Variants in TNIP3 observed in about 807,000 individuals in gnomAD.
TNIP3 encodes TNFAIP3 interacting protein 3, also known as TNFAIP3-interacting protein 3.
In TNIP3, 34 loss-of-function variants were observed where a neutral mutation model predicts 54.1. That is an observed-to-expected ratio of 0.63 (90% CI 0.48 to 0.84). The LOEUF (loss-of-function observed/expected upper bound fraction) is 0.84, where lower values mean the gene tolerates loss of function less well. TNIP3 is among the 40% of genes least tolerant of loss of function. TNIP3 has a pLI of 0.00. For synonymous variants in TNIP3, 134 were observed against 136.8 expected (o/e 0.98, Z 0.14); for missense variants, 366 against 387.6 (o/e 0.94, Z 0.47).
intron 4 of TNIP3, 151 bp from the exon 5 acceptor site, chr4:121,154,830 T>C: frequency 1.6e-6 from 1 of 640,204 alleles, no homozygotes; most frequent in Non-Finnish European, 2.6e-6. Flanking sequence ...ACTTTAAACT[T>C]AATGTTCCAT....
chr4:121,185,853 T>G (rs954230849), intron 2 of TNIP3, among the ~76,000 whole-genome samples: 4 of 152,228 alleles, frequency 2.6e-5, no homozygotes, highest in South Asian at 4.1e-4. Flanking sequence ...TAAACAACAA[T>G]TGAGTATCCA....
At chr4:121,144,717 C>A (rs1729331444) in intron 7 of TNIP3, among the ~76,000 whole-genome samples, 1 of 152,098 alleles carries the variant, frequency 6.6e-6, no homozygotes, top group African/African-American at 2.4e-5. Context: ...TTGCTTTTTT[C>A]ACTTAATATT....
At chr4:121,146,898 T>A (rs1431250055) in intron 7 of TNIP3, 151 bp downstream of exon 7, 4 of 757,278 alleles carry the variant, frequency 5.3e-6, no homozygotes, top group Non-Finnish European at 7.8e-6. Flanking sequence ...TTCATCTCTT[T>A]ACAAGATTGT....
chr4:121,171,338 T>C (rs1216415552), intron 3 of TNIP3, among the ~76,000 whole-genome samples: 5 of 152,168 alleles, frequency 3.3e-5, no homozygotes, highest in Non-Finnish European at 7.4e-5. Context: ...AAAAGTTACA[T>C]GAGTTGATGG....
chr4:121,144,599 G>A (rs984041291), intron 7 of TNIP3, among the ~76,000 whole-genome samples: 1 of 152,038 alleles, frequency 6.6e-6, no homozygotes, highest in African/African-American at 2.4e-5. Context: ...ACAGGGTTTC[G>A]CCATTTTGGC....
intron 2 of TNIP3, among the ~76,000 whole-genome samples, chr4:121,208,635 CCT>C (rs1726313305): frequency 6.6e-6 from 1 of 152,140 alleles, no homozygotes; most frequent in African/African-American, 2.4e-5. Flanking sequence ...TATTACAATT[CCT>C]CTGTCTTGAT....
At chr4:121,215,800 C>G (rs756772487) in intron 2 of TNIP3, among the ~76,000 whole-genome samples, 2 of 151,212 alleles carry the variant, frequency 1.3e-5, no homozygotes, top group Non-Finnish European at 2.9e-5. Flanking sequence ...AAACTTCAAG[C>G]AGCTTGAGTA....
upstream of TNIP3, among the ~76,000 whole-genome samples, chr4:121,219,177 G>T (rs558531981): frequency 6.6e-6 from 1 of 151,736 alleles, no homozygotes; most frequent in South Asian, 2.1e-4. Context: ...TCCAGCCTGG[G>T]CAACAAGAAT....
At chr4:121,216,167 A>G (rs1463054635) in intron 2 of TNIP3, among the ~76,000 whole-genome samples, 1 of 152,212 alleles carries the variant, frequency 6.6e-6, no homozygotes, top group East Asian at 1.9e-4. Context: ...AAATTTACAA[A>G]TACTTTAAAA....
At position 121,132,357 on chromosome 4, in the gene TNIP3, C is replaced by A. The variant is rs1162875858; in HGVS notation, c.*274G>T. ...AACAGCAATATGCTGAAGAGATTTT[C>A]AGGGAGTCGTGCATCATCCATCTGC... On this transcript the variant is annotated 3_prime_UTR_variant, in exon 11 of 11. Coordinates refer to ENST00000057513, the MANE Select transcript of TNIP3 (RefSeq NM_024873.6). The A allele has an allele frequency of 3.8e-5, 16 of 416,834 alleles. No individual in the cohort carries two copies. The highest frequency in any genetic ancestry group is 6.9e-5 in the Non-Finnish European group (16 of 233,100). 25.8% of individuals were successfully genotyped at this position (416,834 alleles called of 1,614,324 possible). A position where few individuals can be genotyped will look rare whatever the true frequency, so the allele number is the denominator to read the frequency against.
At chr4:121,146,959 C>T in intron 7 of TNIP3, 90 bp downstream of exon 7, 1 of 1,436,728 alleles carries the variant, frequency 7.0e-7, no homozygotes, top group African/African-American at 1.4e-5. Flanking sequence ...AATTCAATGT[C>T]AATTAACAGA....
At chr4:121,203,172 A>ATGG (rs1310443598) in intron 2 of TNIP3, among the ~76,000 whole-genome samples, 2 of 152,138 alleles carry the variant, frequency 1.3e-5, no homozygotes, top group African/African-American at 2.4e-5. Context: ...ATATGAAACC[A>ATGG]GCCCAAATGC....
At chr4:121,211,577 C>G (rs959252980) in intron 2 of TNIP3, among the ~76,000 whole-genome samples, 1 of 152,184 alleles carries the variant, frequency 6.6e-6, no homozygotes, top group Non-Finnish European at 1.5e-5. Context: ...AAATTCCTGT[C>G]AGAGTAGCAC....
intron 7 of TNIP3, 58 bp from the exon 8 acceptor site, chr4:121,142,834 A>G: frequency 6.7e-7 from 1 of 1,483,580 alleles, no homozygotes; most frequent in East Asian, 2.3e-5. Context: ...TTAATTCCCA[A>G]GCCACTCTTG....
At chr4:121,189,424 G>A (rs1384641151) in intron 2 of TNIP3, among the ~76,000 whole-genome samples, 1 of 152,228 alleles carries the variant, frequency 6.6e-6, no homozygotes, top group Non-Finnish European at 1.5e-5. Flanking sequence ...GACCCAGAAT[G>A]AGAAGTGTTG....
rs145016167 is a variant in TNIP3 at position 121,182,732 on chromosome 4, G to A, written c.133C>T (p.Pro45Ser). 8.1e-4 allele frequency: 1,244 copies of A among 1,534,160 alleles called. 11 individuals are homozygous for A. In the African/African-American group the frequency reaches 0.015, roughly 19 times the overall value. ...ATGGCCTCTGGGGTGAACCGTTTTG[G>A]ATGAGGAGACGCATTTCTCTCAATC... is the stretch of plus-strand genomic sequence containing the variant. Residue 45 changes from proline (P) to serine (S), a missense_variant, in exon 3 of 13, where the codon CCA becomes TCA. Coordinates refer to the TNIP3 transcript ENST00000507879.
At chr4:121,163,609 C>G (rs1038849325) in intron 1 of TNIP3, among the ~76,000 whole-genome samples, 2 of 152,152 alleles carry the variant, frequency 1.3e-5, no homozygotes. Flanking sequence ...CCCATTATAC[C>G]TTGGTTATCT....
upstream of TNIP3, among the ~76,000 whole-genome samples, chr4:121,166,268 GA>G: frequency 6.6e-6 from 1 of 152,288 alleles, no homozygotes; most frequent in Admixed American, 6.5e-5. Flanking sequence ...ATTAGCTCAA[GA>G]GAGCCATATG....
intron 2 of TNIP3, among the ~76,000 whole-genome samples, chr4:121,188,593 G>C (rs745343018): frequency 2.0e-5 from 3 of 152,106 alleles, no homozygotes; most frequent in Non-Finnish European, 4.4e-5. Context: ...TAGTTGATTA[G>C]AACCTAAATA....
Sources: gnomAD v4.1 joint callset for allele counts (sites outside exome capture counted in the v4.1 genomes callset) on GRCh38, gnomAD v4.1.1 for gene constraint, MANE v1.5 for transcripts, NCBI Gene and HGNC (gene_info 2026-07-23, HGNC 2026-07-21) for gene names.